EYS: variants seen among roughly 807,000 people sequenced by gnomAD.
The protein encoded by EYS is protein eyes shut homolog.
In EYS, 250 loss-of-function variants were observed where a neutral mutation model predicts 282.1. The observed-to-expected ratio is 0.89, with a 90% CI of 0.80 to 0.98. The LOEUF is 0.98. Among genes scored for constraint, EYS ranks in the 50% least tolerant of loss-of-function variants. The probability of loss-of-function intolerance (pLI) is 0.00; values close to 1 mark genes in which losing one functional copy is unlikely to be tolerated. For missense variants in EYS, 4,016 were observed against 3,709.0 expected (o/e 1.08, Z -2.15); for synonymous variants, 1,355 against 1,282.9 (o/e 1.06, Z -1.20).
chr6:65,109,608 C>G (rs373504498), intron 12 of EYS, among the ~76,000 whole-genome samples: 1 of 150,558 alleles, frequency 6.6e-6, no homozygotes, highest in African/African-American at 2.4e-5. Context: ...TTTCCCCATT[C>G]TTTTTAACAA....
intron 33 of EYS, among the ~76,000 whole-genome samples, chr6:64,052,977 A>G (rs1407607695): frequency 1.3e-5 from 2 of 152,174 alleles, no homozygotes; most frequent in South Asian, 2.1e-4. Flanking sequence ...GAACAGACTA[A>G]TACATGGCTT....
intron 25 of EYS, 46 bp downstream of exon 25, chr6:64,593,071 C>T: frequency 7.3e-7 from 1 of 1,376,554 alleles, no homozygotes; most frequent in Non-Finnish European, 9.6e-7. Context: ...TACCACACAA[C>T]TTTTTCAAAC....
chr6:64,116,618 A>G (rs1773394520), intron 31 of EYS, among the ~76,000 whole-genome samples: 1 of 152,168 alleles, frequency 6.6e-6, no homozygotes, highest in African/African-American at 2.4e-5. Flanking sequence ...AAACACTCAA[A>G]TATATGCTCC....
intron 28 of EYS, among the ~76,000 whole-genome samples, chr6:64,434,587 T>G (rs1774677919): frequency 6.6e-6 from 1 of 152,040 alleles, no homozygotes; most frequent in African/African-American, 2.4e-5. Context: ...ATATTACATT[T>G]CTCTAGCATG....
At chr6:64,304,028 CAG>C (rs957622508) in intron 30 of EYS, among the ~76,000 whole-genome samples, 11 of 152,120 alleles carry the variant, frequency 7.2e-5, no homozygotes, top group Non-Finnish European at 1.0e-4. Flanking sequence ...GCTCTCTACT[CAG>C]GGGTTTGGCA....
Position 64,167,563 on chromosome 6 carries a change from A to C in EYS, c.6424+63029T>G, listed in dbSNP as rs958289122. ...TTCATTCAAATTCAGGGCAGGTTAC[A>C]AGAAAGGATTTAGAATCTGGCTGAC... On this transcript the variant is annotated intron_variant, in intron 31 of 42. Coordinates refer to ENST00000503581, the MANE Select transcript of EYS (RefSeq NM_001142800.2). 3.2e-4 allele frequency among the ~76,000 whole-genome samples: 48 copies of C among 152,182 alleles called. 1 individual carries two copies. Among genetic ancestry groups the C allele is most frequent in the Non-Finnish European group, 1.5e-5 (1 of 68,042 alleles).
intron 9 of EYS, among the ~76,000 whole-genome samples, chr6:65,349,692 C>A (rs527372749): frequency 6.6e-6 from 1 of 151,438 alleles, no homozygotes; most frequent in African/African-American, 2.4e-5. Context: ...AATTATAAAA[C>A]TCACTGGCAA....
intron 35 of EYS, among the ~76,000 whole-genome samples, chr6:63,867,611 G>A (rs1772700028): frequency 1.3e-5 from 2 of 152,244 alleles, no homozygotes; most frequent in Middle Eastern, 3.4e-3. Flanking sequence ...ATAAAGGCAC[G>A]AACAAATCTC....
At chr6:63,995,699 G>A (rs987092462) in intron 34 of EYS, among the ~76,000 whole-genome samples, 13 of 152,022 alleles carry the variant, frequency 8.6e-5, no homozygotes, top group Non-Finnish European at 1.6e-4. Flanking sequence ...AATGGATAAA[G>A]AAAATGTGGT....
At chr6:65,607,837 C>A (rs1765855399) in intron 2 of EYS, among the ~76,000 whole-genome samples, 1 of 151,852 alleles carries the variant, frequency 6.6e-6, no homozygotes, top group Non-Finnish European at 1.5e-5. Context: ...TTGGAAAATA[C>A]AATTGTTAGA....
intron 5 of EYS, among the ~76,000 whole-genome samples, chr6:65,436,233 T>C (rs1328955297): frequency 6.6e-6 from 1 of 152,194 alleles, no homozygotes; most frequent in Admixed American, 6.5e-5. Context: ...CCACATACTT[T>C]TGAAGATTAA....
chr6:64,704,381 A>C (rs1770901379), intron 22 of EYS, among the ~76,000 whole-genome samples: 1 of 146,348 alleles, frequency 6.8e-6, no homozygotes, highest in Non-Finnish European at 1.5e-5. Flanking sequence ...ACAGCAATAA[A>C]ATTGTATCTA....
intron 10 of EYS, among the ~76,000 whole-genome samples, chr6:65,336,217 G>A (rs546980463): frequency 1.1e-4 from 16 of 151,770 alleles, no homozygotes; most frequent in African/African-American, 2.9e-4. Flanking sequence ...CCCAGTTAGC[G>A]AACTGATATC....
chr6:65,011,885 C>T (rs1448006862), intron 13 of EYS, among the ~76,000 whole-genome samples: 1 of 152,136 alleles, frequency 6.6e-6, no homozygotes, highest in African/African-American at 2.4e-5. Flanking sequence ...CCCAGGCATT[C>T]GAGCTGGCAA....
At chr6:64,800,475 T>C (rs937105738) in intron 22 of EYS, among the ~76,000 whole-genome samples, 4 of 151,906 alleles carry the variant, frequency 2.6e-5, no homozygotes, top group African/African-American at 7.2e-5. Flanking sequence ...AGAAAACATA[T>C]GCAGTTTTTT....
intron 2 of EYS, among the ~76,000 whole-genome samples, chr6:65,585,211 A>G (rs1765003821): frequency 6.6e-6 from 1 of 151,992 alleles, no homozygotes; most frequent in Admixed American, 6.6e-5. Context: ...AAATAAATGT[A>G]TGAACAGTCA....
chr6:64,113,427 T>G (rs1374407297), intron 31 of EYS, among the ~76,000 whole-genome samples: 1 of 152,142 alleles, frequency 6.6e-6, no homozygotes, highest in African/African-American at 2.4e-5. Flanking sequence ...CCTGTCTCAT[T>G]AGGTTGTGAG....
At chr6:65,614,551 A>T (rs750901057) in intron 2 of EYS, among the ~76,000 whole-genome samples, 23 of 152,098 alleles carry the variant, frequency 1.5e-4, no homozygotes, top group Non-Finnish European at 4.4e-5. Flanking sequence ...CATGTTCCCC[A>T]TAGATGACCA....
chr6:63,790,249 G>C (rs1040728647), intron 37 of EYS, among the ~76,000 whole-genome samples: 3 of 152,172 alleles, frequency 2.0e-5, no homozygotes, highest in African/African-American at 7.2e-5. Flanking sequence ...TGTTGACTGG[G>C]CTTCTAGTAT....
Sources: gnomAD v4.1 joint callset for allele counts (sites outside exome capture counted in the v4.1 genomes callset) on GRCh38, gnomAD v4.1.1 for gene constraint, MANE v1.5 for transcripts, NCBI Gene and HGNC (gene_info 2026-07-23, HGNC 2026-07-21) for gene names.